Variants in GFI1B observed in about 807,000 individuals in gnomAD.
GFI1B encodes the protein zinc finger protein Gfi-1b.
A neutral mutation model predicts 35.3 loss-of-function variants in GFI1B; 20 were observed. The ratio of observed to expected loss-of-function variants is 0.57; its 90% CI spans 0.40 to 0.82. The LOEUF (loss-of-function observed/expected upper bound fraction) is 0.82, where lower values mean the gene tolerates loss of function less well. GFI1B is among the 40% of genes least tolerant of loss of function. GFI1B has a pLI of 0.00. For missense variants in GFI1B, 430 were observed against 446.3 expected (o/e 0.96, Z 0.33); for synonymous variants, 178 against 177.6 (o/e 1.00, Z -0.02).
At chr9:132,992,222 C>T (rs1849317219), downstream of GFI1B, among the ~76,000 whole-genome samples, 1 of 152,226 alleles carries the variant, frequency 6.6e-6, no homozygotes. Context: ...TGCTTTCAAC[C>T]TTCTTGCCTC....
intron 1 of GFI1B, chr9:132,946,891 G>A (rs956301303): frequency 1.3e-5 from 2 of 152,460 alleles, no homozygotes; most frequent in African/African-American, 4.8e-5. Flanking sequence ...ACACTGTCTG[G>A]AAGAAGAATG....
At chr9:132,966,076 T>C (rs1848446638) in intron 1 of GFI1B, among the ~76,000 whole-genome samples, 1 of 152,068 alleles carries the variant, frequency 6.6e-6, no homozygotes, top group Admixed American at 6.5e-5. Flanking sequence ...ACAACAAAAA[T>C]AGGCCAGGCA....
intron 6 of GFI1B, among the ~76,000 whole-genome samples, chr9:132,990,506 T>C (rs1849258101): frequency 6.6e-6 from 1 of 152,274 alleles, no homozygotes; most frequent in South Asian, 2.1e-4. Context: ...CATTCATTTG[T>C]TCACTCATTC....
chr9:132,986,462 C>T (rs543217257), intron 1 of GFI1B, among the ~76,000 whole-genome samples, 197 bp from the exon 2 acceptor site: 9 of 152,288 alleles, frequency 5.9e-5, no homozygotes, highest in African/African-American at 2.2e-4. Flanking sequence ...GGAATGACCT[C>T]ATCATAACTT....
Position 132,989,296 on chromosome 9 carries a change from TGGG to T in GFI1B, c.648+101_648+103del. 8.2e-7 allele frequency: 1 copy of T among 1,213,782 alleles called. No homozygotes were observed. Among genetic ancestry groups the T allele is most frequent in the Non-Finnish European group, 1.2e-6 (1 of 835,818 alleles). The allele number at this position is 1,213,782 out of a possible 1,614,324, so 75.2% of individuals were successfully genotyped here. On this transcript the variant is annotated intron_variant, in intron 5 of 6. Coordinates refer to ENST00000372122, the MANE Select transcript of GFI1B (RefSeq NM_001377304.1). The surrounding 1 kb of genome is among the most constrained non-coding windows in gnomAD (Gnocchi z 6.2). ...GTGGCTGGGTCCCTCCCCCTGCCCC[TGGG>T]GGTGACACAGATTGGGAGGGGTCCC...
upstream of GFI1B, among the ~76,000 whole-genome samples, chr9:132,974,004 A>G (rs77206735): frequency 3.6e-4 from 55 of 152,304 alleles, no homozygotes; most frequent in East Asian, 0.01. Context: ...GAAACAATTG[A>G]GGAGGAATCT....
intron 1 of GFI1B, among the ~76,000 whole-genome samples, chr9:132,954,886 T>C (rs1848260135): frequency 6.6e-6 from 1 of 152,004 alleles, no homozygotes; most frequent in Non-Finnish European, 1.5e-5. Flanking sequence ...GCCCAGCTAA[T>C]TTTTTTATTT....
At chr9:132,967,146 C>T (rs372948643) in intron 1 of GFI1B, among the ~76,000 whole-genome samples, 1 of 152,136 alleles carries the variant, frequency 6.6e-6, no homozygotes, top group African/African-American at 2.4e-5. Context: ...TCTCTGTCTT[C>T]GGTGCTTGCC....
At chr9:132,963,204 A>G (rs3124783) in intron 1 of GFI1B, among the ~76,000 whole-genome samples, 131,325 of 151,940 alleles carry the variant, frequency 0.86, 56,968 homozygotes, top group African/African-American at 0.92. Context: ...ATTATTGGTC[A>G]GGCGTGGTGG....
chr9:132,987,193 C>T (rs1849100341), intron 2 of GFI1B, 89 bp from the exon 3 acceptor site: 2 of 1,392,966 alleles, frequency 1.4e-6, no homozygotes. Context: ...TCTGGGCCTC[C>T]TCCTCCTAGG....
chr9:132,946,024 T>C (rs1050275254), intron 1 of GFI1B, among the ~76,000 whole-genome samples: 1 of 152,148 alleles, frequency 6.6e-6, no homozygotes, highest in East Asian at 1.9e-4. Flanking sequence ...TGCTAGTCAG[T>C]ATAGGGCCTT....
upstream of GFI1B, among the ~76,000 whole-genome samples, chr9:132,977,776 A>G (rs781402946): frequency 4.6e-5 from 7 of 152,090 alleles, no homozygotes; most frequent in Admixed American, 6.5e-5. Flanking sequence ...CCCAGCATCA[A>G]TGGGACACCC....
chr9:132,977,187 T>C (rs7034117), upstream of GFI1B, among the ~76,000 whole-genome samples: 21,548 of 152,110 alleles, frequency 0.14, 1,740 homozygotes, highest in African/African-American at 0.2. Flanking sequence ...GAACTCCCGA[T>C]CTCAAGTGAT....
At chr9:132,984,807 C>G (rs760591000) in intron 1 of GFI1B, among the ~76,000 whole-genome samples, 5 of 152,188 alleles carry the variant, frequency 3.3e-5, no homozygotes, top group African/African-American at 7.2e-5. Context: ...TCTTGATGCC[C>G]CCAGGCTCTG....
At chr9:132,954,404 A>C (rs900685859) in intron 1 of GFI1B, among the ~76,000 whole-genome samples, 1 of 151,910 alleles carries the variant, frequency 6.6e-6, no homozygotes, top group Non-Finnish European at 1.5e-5. Flanking sequence ...GTAAAACCCC[A>C]TCTCTACTAA....
intron 6 of GFI1B, among the ~76,000 whole-genome samples, chr9:132,990,338 TTTG>T (rs1334298752): frequency 1.3e-5 from 2 of 150,320 alleles, no homozygotes; most frequent in Non-Finnish European, 3.0e-5. Context: ...CATTCATTCA[TTTG>T]TTCACTCATT....
At chr9:132,983,210 T>C (rs963452286) in intron 1 of GFI1B, among the ~76,000 whole-genome samples, 4 of 147,906 alleles carry the variant, frequency 2.7e-5, no homozygotes, top group Non-Finnish European at 4.5e-5. Context: ...TTTTTTTTTT[T>C]TGAGACAGAG....
chr9:132,972,512 C>T (rs187651202), intron 1 of GFI1B, among the ~76,000 whole-genome samples: 42 of 152,200 alleles, frequency 2.8e-4, no homozygotes, highest in Admixed American at 7.2e-4. Flanking sequence ...ATCACTTGAG[C>T]CCAGGAGGTC....
intron 1 of GFI1B, among the ~76,000 whole-genome samples, chr9:132,971,750 G>A (rs1384470705): frequency 6.6e-6 from 1 of 152,098 alleles, no homozygotes; most frequent in East Asian, 1.9e-4. Context: ...GAGGCTGGCA[G>A]ATCCCTTGAG....
Sources: gnomAD v4.1 joint callset for allele counts (sites outside exome capture counted in the v4.1 genomes callset) on GRCh38, gnomAD v4.1.1 for gene constraint, Gnocchi (gnomAD v3.1) non-coding constraint, MANE v1.5 for transcripts, NCBI Gene and HGNC (gene_info 2026-07-23, HGNC 2026-07-21) for gene names.